The following CSMD1 variants were observed in gnomAD, a reference collection of about 807,000 sequenced individuals.
CSMD1 encodes the protein CUB and sushi domain-containing protein 1.
In CSMD1, 213 loss-of-function variants were observed where a neutral mutation model predicts 417.5. That is an observed-to-expected ratio of 0.51 (90% CI 0.46 to 0.57). CSMD1 has a LOEUF of 0.57. Ranked by LOEUF, CSMD1 falls within the 20% of genes least tolerant of loss-of-function variation. CSMD1 has a pLI of 0.00. For synonymous variants in CSMD1, 2,862 were observed against 1,736.8 expected, an observed-to-expected ratio of 1.65 and a Z score of -16.11; for missense variants, 6,923 against 4,529.7, an observed-to-expected ratio of 1.53 and a Z score of -15.17.
At chr8:3,261,624 A>C (rs1459532386) in intron 26 of CSMD1, among the ~76,000 whole-genome samples, 1 of 152,178 alleles carries the variant, frequency 6.6e-6, no homozygotes, top group African/African-American at 2.4e-5. Flanking sequence ...GAGTGATTAA[A>C]CCAACTGCTG....
At chr8:3,678,577 T>G (rs1486539786) in intron 7 of CSMD1, among the ~76,000 whole-genome samples, 2 of 151,784 alleles carry the variant, frequency 1.3e-5, no homozygotes, top group African/African-American at 2.4e-5. Flanking sequence ...TACCTGAGAG[T>G]GACGGGGAGA....
chr8:4,677,762 C>T (rs537385792), intron 1 of CSMD1, among the ~76,000 whole-genome samples: 2 of 151,470 alleles, frequency 1.3e-5, no homozygotes, highest in South Asian at 4.2e-4. Flanking sequence ...TACTTGTGAG[C>T]AAAAAGGAGA....
chr8:3,271,488 C>A (rs1801850884), intron 26 of CSMD1, among the ~76,000 whole-genome samples: 1 of 146,030 alleles, frequency 6.8e-6, no homozygotes, highest in African/African-American at 2.6e-5. Context: ...GTTCTAGATC[C>A]CTGACGAATG....
intron 3 of CSMD1, among the ~76,000 whole-genome samples, chr8:4,071,887 G>C (rs976685839): frequency 2.6e-5 from 4 of 152,100 alleles, no homozygotes; most frequent in East Asian, 3.9e-4. Context: ...ACCCCATTTG[G>C]AATCTGCTCC....
intron 3 of CSMD1, among the ~76,000 whole-genome samples, chr8:4,088,522 G>A (rs1469935991): frequency 1.3e-5 from 2 of 152,062 alleles, no homozygotes; most frequent in African/African-American, 4.8e-5. Flanking sequence ...CCATGTCACT[G>A]GTTAGGATGC....
chr8:4,956,393 C>T (rs1292891228), intron 1 of CSMD1, among the ~76,000 whole-genome samples: 1 of 149,890 alleles, frequency 6.7e-6, no homozygotes, highest in African/African-American at 2.4e-5. Flanking sequence ...TGTATATATA[C>T]ACATACATTT....
chr8:3,875,885 G>C (rs1805783542), intron 5 of CSMD1, among the ~76,000 whole-genome samples: 1 of 152,154 alleles, frequency 6.6e-6, no homozygotes, highest in Non-Finnish European at 1.5e-5. Flanking sequence ...AAACTTGGTA[G>C]GAAATCACAA....
At chr8:3,973,819 T>C (rs183688022) in intron 5 of CSMD1, among the ~76,000 whole-genome samples, 4 of 152,312 alleles carry the variant, frequency 2.6e-5, no homozygotes, top group Admixed American at 6.5e-5. Context: ...TGGCCTTTTA[T>C]GTGTTTAATA....
At chr8:4,405,187 C>G (rs1319951213) in intron 3 of CSMD1, among the ~76,000 whole-genome samples, 1 of 152,128 alleles carries the variant, frequency 6.6e-6, no homozygotes. Context: ...CCTTTGTCAA[C>G]ACAATGTATT....
chr8:3,713,011 C>T (rs934053998), intron 6 of CSMD1, among the ~76,000 whole-genome samples: 9 of 151,634 alleles, frequency 5.9e-5, no homozygotes, highest in Non-Finnish European at 1.0e-4. Context: ...TCATCGCAAA[C>T]CAAGAAGTAT....
chr8:3,987,675 G>A (rs954107838), intron 5 of CSMD1, among the ~76,000 whole-genome samples: 1 of 152,162 alleles, frequency 6.6e-6, no homozygotes, highest in Non-Finnish European at 1.5e-5. Flanking sequence ...CCCAGACAGA[G>A]AAAATGGATT....
chr8:4,934,260 T>G (rs1335213572), intron 1 of CSMD1, among the ~76,000 whole-genome samples: 1 of 152,122 alleles, frequency 6.6e-6, no homozygotes, highest in Non-Finnish European at 1.5e-5. Context: ...AAATAAATAT[T>G]TCCCCACAGA....
chr8:4,640,685 TA>T (rs530587434), intron 1 of CSMD1, among the ~76,000 whole-genome samples: 25 of 152,262 alleles, frequency 1.6e-4, no homozygotes, highest in Admixed American at 1.4e-3. Context: ...GGACAACTTT[TA>T]AATGCTGCAA....
At chr8:3,447,474 G>T (rs10283209) in intron 12 of CSMD1, among the ~76,000 whole-genome samples, 1 of 152,144 alleles carries the variant, frequency 6.6e-6, no homozygotes, top group Non-Finnish European at 1.5e-5. Flanking sequence ...GGGTAAGAGC[G>T]ATGCATATTG....
intron 6 of CSMD1, among the ~76,000 whole-genome samples, chr8:3,740,430 A>G (rs1308785225): frequency 1.3e-5 from 2 of 152,226 alleles, no homozygotes; most frequent in Non-Finnish European, 2.9e-5. Flanking sequence ...AATGCCTGGT[A>G]CAGAAAAATA....
chr8:4,034,759 G>A (rs1563344435), intron 3 of CSMD1, among the ~76,000 whole-genome samples: 1 of 152,176 alleles, frequency 6.6e-6, no homozygotes, highest in Non-Finnish European at 1.5e-5. Context: ...AAATCAACAT[G>A]TCTTCTTAGG....
intron 3 of CSMD1, among the ~76,000 whole-genome samples, chr8:4,233,341 A>G (rs1473698320): frequency 6.6e-6 from 1 of 152,218 alleles, no homozygotes; most frequent in East Asian, 1.9e-4. Context: ...TTGACATATT[A>G]AAAGTACCTA....
At chr8:4,904,297 T>C (rs1021191509) in intron 1 of CSMD1, among the ~76,000 whole-genome samples, 10 of 152,216 alleles carry the variant, frequency 6.6e-5, no homozygotes, top group African/African-American at 2.4e-4. Context: ...ACAGTAAATG[T>C]ATTTCCCATT....
intron 1 of CSMD1, among the ~76,000 whole-genome samples, chr8:4,665,829 G>C (rs551270866): frequency 8.5e-5 from 13 of 152,262 alleles, no homozygotes; most frequent in South Asian, 6.2e-4. Context: ...TTATGTAAAA[G>C]TCTTCCTGTA....
Sources: allele counts gnomAD v4.1 joint callset (sites outside exome capture counted in the v4.1 genomes callset), GRCh38; gene constraint gnomAD v4.1.1; transcripts MANE v1.5; gene names NCBI Gene and HGNC (gene_info 2026-07-23, HGNC 2026-07-21).